The following HLA-F variants were observed in gnomAD, a reference collection of about 807,000 sequenced individuals.
HLA-F encodes the protein major histocompatibility complex, class I, F.
Under a neutral mutation model 49.5 loss-of-function variants are expected in HLA-F, and 46 were observed. The observed-to-expected ratio is 0.93, with a 90% confidence interval of 0.73 to 1.19. The LOEUF (loss-of-function observed/expected upper bound fraction) is 1.19, where lower values mean the gene tolerates loss of function less well. HLA-F is among the 50% of genes most tolerant of loss of function. The pLI is 0.00. For missense variants in HLA-F, 496 were observed against 579.6 expected (o/e 0.86, Z 1.48); for synonymous variants, 203 against 233.5 (o/e 0.87, Z 1.19).
chr6:29,729,554 A>G (rs958898085), downstream of HLA-F, among the ~76,000 whole-genome samples: 8 of 152,250 alleles, frequency 5.3e-5, no homozygotes, highest in Non-Finnish European at 1.0e-4. Context: ...TTTAGAAGAA[A>G]ACATTGAAGA....
chr6:29,725,433 C>T lies in HLA-F; in HGVS notation c.887-14C>T. On this transcript the variant is annotated splice_polypyrimidine_tract_variant and intron_variant, in intron 4 of 6. Transcript: ENST00000259951. ...CTGGAGATCAGGGCCCCTCACCTTC[C>T]CTTCCTTTCCCAGAGCAGTCTCCCC... 1 of 1,612,912 alleles carries T rather than the reference C, an allele frequency of 6.2e-7. No homozygotes were observed. The highest frequency in any genetic ancestry group is 8.5e-7 in the Non-Finnish European group (1 of 1,179,196).
rs1338864401 is a variant in HLA-F at position 29,723,525 on chromosome 6, C to A, written c.62C>A (p.Ala21Glu). The stretch of plus-strand genomic sequence containing the variant: ...GCCCTGGCCCTGACCGATACTTGGG[C>A]GGGTGAGTGCGGGGTCCAGAGAGAA... ...SGALALTDTW[A>E]GSHSLRYFST... Residue 21 changes from alanine to glutamate, a missense_variant and splice_region_variant, in exon 1 of 7, where the codon GCG becomes GAG. Physicochemically the swap from Ala to Glu is moderately radical, Grantham distance 107. Coordinates refer to ENST00000259951, the MANE Select transcript of HLA-F (RefSeq NM_001098479.2). 6.2e-7 allele frequency: 1 copy of A among 1,611,988 alleles called. No homozygotes were observed.
At chr6:29,735,373 ATATATT>A (rs1776989324) in intron 3 of HLA-F, 1 of 134,718 alleles carries the variant, frequency 7.4e-6, no homozygotes, top group African/African-American at 2.7e-5. Flanking sequence ...GTGTATATAT[ATATATT>A]TATATATATA....
chr6:29,736,184 G>A, intron 3 of HLA-F: 1 of 334,958 alleles, frequency 3.0e-6, no homozygotes, highest in Non-Finnish European at 5.8e-6. Context: ...ATGAGCCACT[G>A]CCCATGACTC....
intron 5 of HLA-F, 51 bp from the exon 6 acceptor site, chr6:29,725,960 T>G: frequency 6.2e-7 from 1 of 1,605,948 alleles, no homozygotes; most frequent in Non-Finnish European, 8.5e-7. Context: ...CTCTAGGACC[T>G]TATGGCCCTG....
chr6:29,727,074 C>T lies in HLA-F; in HGVS notation c.1228C>T (p.Gln410Ter). ...TTTCAACACTGCCTTCTTGGCCTTGCAAAGCCTTCGCTTTGGCTTCGGCTT... is the reference window on the plus strand; with the variant it reads ...TTTCAACACTGCCTTCTTGGCCTTGTAAAGCCTTCGCTTTGGCTTCGGCTT... ...TSFNTAFLAL[Q>*]SLRFGFGFRR... Residue 410 changes from glutamine (Q) to a stop codon, truncating the protein, a stop_gained, in exon 7 of 7, where the codon CAA becomes TAA. Transcript: ENST00000259951. LOFTEE classifies it high-confidence loss of function. The T allele has an allele frequency of 6.2e-7, 1 of 1,613,188 alleles. No individual in the cohort carries two copies. The highest frequency in any genetic ancestry group is 2.2e-5 in the East Asian group (1 of 44,888).
rs779975618 is a variant in HLA-F at position 29,723,706 on chromosome 6, G to A, written c.113G>A (p.Arg38His). 5.0e-6 allele frequency: 8 copies of A among 1,611,678 alleles called. No homozygotes were observed. The highest frequency in any genetic ancestry group is 6.8e-6 in the Non-Finnish European group (8 of 1,179,676). The change falls in exon 2 of 7, where the codon CGC (arginine) becomes CAC (histidine). Residue 38 changes from arginine (R) to histidine (H), a missense_variant. By Grantham distance (29) the Arg-to-His change is conservative (BLOSUM62 0). Transcript: ENST00000259951. ...AGCACCGCTGTGTCGCGGCCCGGCC[G>A]CGGGGAGCCCCGCTACATCGCCGTG... ...YFSTAVSRPG[R>H]GEPRYIAVEY...
At chr6:29,725,340 G>A in intron 4 of HLA-F, 34 bp downstream of exon 4, 6 of 1,613,106 alleles carry the variant, frequency 3.7e-6, no homozygotes, top group Non-Finnish European at 5.1e-6. Flanking sequence ...GGGGAACGAG[G>A]GGTCATGTCT....
At chr6:29,734,237 C>T (rs1264249305) in intron 3 of HLA-F, among the ~76,000 whole-genome samples, 1 of 152,110 alleles carries the variant, frequency 6.6e-6, no homozygotes, top group Non-Finnish European at 1.5e-5. Flanking sequence ...TATGGTGTTC[C>T]TAGAGCTATT....
At chr6:29,731,773 G>A (rs1416365359), downstream of HLA-F, among the ~76,000 whole-genome samples, 1 of 151,978 alleles carries the variant, frequency 6.6e-6, no homozygotes, top group Non-Finnish European at 1.5e-5. Context: ...TCACTGAAAT[G>A]TATGTTCTTT....
intron 3 of HLA-F, chr6:29,736,323 A>G: frequency 2.3e-6 from 1 of 427,502 alleles, no homozygotes; most frequent in East Asian, 7.1e-5. Flanking sequence ...TCCCAAGCCT[A>G]CTGCTCTTGT....
At chr6:29,736,078 C>T (rs947535207) in intron 3 of HLA-F, 5 of 154,378 alleles carry the variant, frequency 3.2e-5, no homozygotes, top group African/African-American at 1.2e-4. Flanking sequence ...TCTTCTGAAG[C>T]TCTGCCCATG....
At chr6:29,725,327 A>G in intron 4 of HLA-F, 21 bp downstream of exon 4, 1 of 1,613,338 alleles carries the variant, frequency 6.2e-7, no homozygotes, top group Non-Finnish European at 8.5e-7. Context: ...AGATGGGTAA[A>G]GAGGGGAACG....
Position 29,724,215 on chromosome 6 carries a change from C to A in HLA-F, c.377C>A (p.Pro126His). The change falls in exon 3 of 7, where the codon CCC (proline) becomes CAC (histidine). Residue 126 changes from proline (P) to histidine (H), a missense_variant. Transcript: ENST00000259951. ...GGAATGAATGGCTGCGACATGGGGCCCGACGGACGCCTCCTCCGCGGGTAT... is the reference window on the plus strand; with the variant it reads ...GGAATGAATGGCTGCGACATGGGGCACGACGGACGCCTCCTCCGCGGGTAT... ...LQGMNGCDMG[P>H]DGRLLRGYHQ... 1 of 1,613,174 alleles carries A rather than the reference C, an allele frequency of 6.2e-7. No homozygotes were observed.
chr6:29,724,048 C>T (rs1775692260), intron 2 of HLA-F, 121 bp downstream of exon 2: 1 of 1,546,590 alleles, frequency 6.5e-7, no homozygotes, highest in Non-Finnish European at 8.8e-7. Flanking sequence ...CGCCCAGACC[C>T]TCCACCCGGG....
intron 3 of HLA-F, chr6:29,736,205 G>C (rs1333226164): frequency 5.8e-6 from 2 of 342,602 alleles, no homozygotes; most frequent in Non-Finnish European, 1.1e-5. Context: ...ATTCATTCAT[G>C]CACTACTGGG....
Position 29,724,345 on chromosome 6 carries a change from G to A in HLA-F, c.507G>A (p.Glu169=). 1 of 1,613,244 alleles carries A rather than the reference G, an allele frequency of 6.2e-7. No individual in the cohort carries two copies. Among genetic ancestry groups the A allele is most frequent in the Non-Finnish European group, 8.5e-7 (1 of 1,180,040 alleles). ...CTCAGATCACCCAGCGCTTCTATGA[G>A]GCAGAGGAATATGCAGAGGAGTTCA... ...TVAQITQRFY[E]AEEYAEEFRT... is the part of the protein sequence containing the mutation. Residue 169 remains glutamate, a synonymous_variant, in exon 3 of 7, where the codon GAG becomes GAA. Coordinates refer to ENST00000259951, the MANE Select transcript of HLA-F (RefSeq NM_001098479.2).
chr6:29,725,530 G>T lies in HLA-F; in HGVS notation c.970G>T (p.Val324Phe). Residue 324 changes from valine (V) to phenylalanine (F), a missense_variant, in exon 5 of 7, where the codon GTC (valine) becomes TTC (phenylalanine). Transcript: ENST00000259951. ...TGGAGCTGTGGTCACTGGAGCTGTGGTCGCTGCTGTGATGTGGAGGAAGAA... is the reference window on the plus strand; with the variant it reads ...TGGAGCTGTGGTCACTGGAGCTGTGTTCGCTGCTGTGATGTGGAGGAAGAA... ...VLGAVVTGAV[V>F]AAVMWRKKSS... 6.2e-7 allele frequency: 1 copy of T among 1,614,148 alleles called. No homozygotes were observed. The highest frequency in any genetic ancestry group is 8.5e-7 in the Non-Finnish European group (1 of 1,179,990).
chr6:29,731,222 T>C (rs1213448785), downstream of HLA-F, among the ~76,000 whole-genome samples: 1 of 107,190 alleles, frequency 9.3e-6, no homozygotes, highest in African/African-American at 4.2e-5. Context: ...CCCAATAGAG[T>C]AGATGGATAC....
Sources: gnomAD v4.1 joint callset for allele counts (sites outside exome capture counted in the v4.1 genomes callset) on GRCh38, gnomAD v4.1.1 for gene constraint, MANE v1.5 for transcripts, NCBI Gene and HGNC (gene_info 2026-07-23, HGNC 2026-07-21) for gene names.